The following GRAMD2B variants were observed in gnomAD, a reference collection of about 807,000 sequenced individuals.
GRAMD2B encodes the protein GRAM domain-containing protein 2B.
GRAMD2B carries 41 observed loss-of-function variants against 59.2 expected under a neutral mutation model. That is an observed-to-expected ratio of 0.69 (90% CI 0.54 to 0.90). The LOEUF (loss-of-function observed/expected upper bound fraction) is 0.90, where lower values mean the gene tolerates loss of function less well. Among genes scored for constraint, GRAMD2B ranks in the 40% least tolerant of loss-of-function variants. The pLI, the probability that GRAMD2B is intolerant of heterozygous loss-of-function variation, is 0.00. For synonymous variants in GRAMD2B, 161 were observed against 182.7 expected (o/e 0.88, Z 0.96); for missense variants, 424 against 500.5 (o/e 0.85, Z 1.46).
chr5:126,406,763 G>A, intron 1 of GRAMD2B, among the ~76,000 whole-genome samples: 1 of 151,914 alleles, frequency 6.6e-6, no homozygotes, highest in Non-Finnish European at 1.5e-5. Flanking sequence ...CAGCCTTTAG[G>A]TTTTTACTGT....
intron 12 of GRAMD2B, 94 bp downstream of exon 12, chr5:126,487,071 G>A (rs1022524878): frequency 4.0e-5 from 28 of 701,886 alleles, no homozygotes; most frequent in Non-Finnish European, 5.9e-5. Context: ...AACATTAATT[G>A]GAGATACATT....
At position 126,423,482 on chromosome 5, in the gene GRAMD2B, C is replaced by A; in HGVS notation, c.-125C>A. 2.1e-6 allele frequency: 3 copies of A among 1,458,876 alleles called. No individual in the cohort carries two copies. The South Asian group carries it at 4.2e-5, about 21-fold the overall frequency. The allele number at this position is 1,458,876 out of a possible 1,614,324, so 90.4% of individuals were successfully genotyped here. On this transcript the variant is annotated 5_prime_UTR_variant, in exon 1 of 14. Transcript: ENST00000285689. ...CGCGGCCCGGCCTGGATGCGCTGGG[C>A]GGAGGGTGCAGGGGAGGGCACGGCG...
At chr5:126,403,526 C>T (rs1758003830) in intron 1 of GRAMD2B, among the ~76,000 whole-genome samples, 1 of 151,652 alleles carries the variant, frequency 6.6e-6, no homozygotes, top group Admixed American at 6.6e-5. Flanking sequence ...GTAATAGGTA[C>T]TAGAAATAAA....
chr5:126,366,215 A>G (rs530569297), intron 1 of GRAMD2B, among the ~76,000 whole-genome samples: 65 of 152,314 alleles, frequency 4.3e-4, no homozygotes, highest in Middle Eastern at 3.4e-3. Flanking sequence ...GGAGAGAGGA[A>G]GGGACTTAAG....
At chr5:126,387,521 CTT>C (rs1250293792) in intron 1 of GRAMD2B, among the ~76,000 whole-genome samples, 1 of 150,998 alleles carries the variant, frequency 6.6e-6, no homozygotes. Flanking sequence ...TTATTTCTCT[CTT>C]ATTGCTGCTA....
chr5:126,391,391 C>T (rs1407865787), intron 1 of GRAMD2B, among the ~76,000 whole-genome samples: 1 of 146,790 alleles, frequency 6.8e-6, no homozygotes, highest in African/African-American at 2.5e-5. Context: ...GAAATAAAAC[C>T]TGTCCAAATA....
intron 1 of GRAMD2B, among the ~76,000 whole-genome samples, chr5:126,430,741 T>G (rs77192062): frequency 3.3e-5 from 5 of 152,130 alleles, no homozygotes; most frequent in African/African-American, 9.7e-5. Flanking sequence ...GAAACAAGAT[T>G]GTAAGCATCT....
At chr5:126,421,399 C>A (rs1402991460), upstream of GRAMD2B, among the ~76,000 whole-genome samples, 1 of 152,142 alleles carries the variant, frequency 6.6e-6, no homozygotes, top group African/African-American at 2.4e-5. Flanking sequence ...CCAAACCTAT[C>A]CCTATTCTGA....
chr5:126,492,245 A>G (rs1377139026), intron 13 of GRAMD2B, among the ~76,000 whole-genome samples: 2 of 152,118 alleles, frequency 1.3e-5, no homozygotes, highest in South Asian at 4.1e-4. Context: ...TCTGATTAAA[A>G]CCATCAAATG....
intron 1 of GRAMD2B, among the ~76,000 whole-genome samples, chr5:126,387,640 G>C (rs1286877380): frequency 6.6e-6 from 1 of 151,886 alleles, no homozygotes; most frequent in African/African-American, 2.4e-5. Flanking sequence ...ACCTGGCCCT[G>C]GCAGGCTTTT....
At chr5:126,371,547 C>A (rs951594412) in exon 1 of GRAMD2B, 2 of 1,288,958 alleles carry the variant, frequency 1.6e-6, no homozygotes, top group Admixed American at 2.3e-5. Context: ...CCACAGACAG[C>A]CCCAGCTCGG....
intron 8 of GRAMD2B, among the ~76,000 whole-genome samples, chr5:126,481,213 AAGAAAGAAAG>A (rs1561598804): frequency 3.8e-3 from 27 of 7,078 alleles, no homozygotes; most frequent in South Asian, 0.029. Flanking sequence ...AAAAGAAAGA[AAGAAAGAAAG>A]AAAGAAAGAA....
chr5:126,471,776 G>A (rs1185378395), intron 3 of GRAMD2B, among the ~76,000 whole-genome samples: 1 of 152,162 alleles, frequency 6.6e-6, no homozygotes, highest in Non-Finnish European at 1.5e-5. Flanking sequence ...GAGATTAAGT[G>A]ACTAAGCCAT....
intron 1 of GRAMD2B, among the ~76,000 whole-genome samples, chr5:126,386,399 T>C (rs1318380338): frequency 6.6e-6 from 1 of 152,234 alleles, no homozygotes; most frequent in Non-Finnish European, 1.5e-5. Flanking sequence ...AGTTGTCAAT[T>C]GCTTCACAGC....
At chr5:126,458,378 C>T (rs4240397) in intron 1 of GRAMD2B, among the ~76,000 whole-genome samples, 139,293 of 151,844 alleles carry the variant, frequency 0.92, 64,646 homozygotes, top group East Asian at 1. Context: ...GAGGTTGCAG[C>T]GAGCCAAGAT....
chr5:126,381,148 T>C (rs1755622607), intron 1 of GRAMD2B, among the ~76,000 whole-genome samples: 1 of 152,206 alleles, frequency 6.6e-6, no homozygotes, highest in South Asian at 2.1e-4. Context: ...TCTGCATCTA[T>C]GGAGATGATC....
At chr5:126,460,423 A>C (rs1286809142) in intron 1 of GRAMD2B, among the ~76,000 whole-genome samples, 1 of 152,282 alleles carries the variant, frequency 6.6e-6, no homozygotes, top group Non-Finnish European at 1.5e-5. Context: ...TATATGTATC[A>C]GAATTGTAAA....
chr5:126,360,744 G>C (rs566424022), intron 1 of GRAMD2B, among the ~76,000 whole-genome samples: 9 of 152,300 alleles, frequency 5.9e-5, no homozygotes, highest in African/African-American at 1.4e-4. Flanking sequence ...CACTCAAGCT[G>C]AAAGGGGAAT....
intron 1 of GRAMD2B, among the ~76,000 whole-genome samples, chr5:126,403,038 T>C (rs1757968830): frequency 6.6e-6 from 1 of 151,972 alleles, no homozygotes; most frequent in African/African-American, 2.4e-5. Context: ...AGTATTTTTA[T>C]AGAGCCAGGA....
Sources: allele counts gnomAD v4.1 joint callset (sites outside exome capture counted in the v4.1 genomes callset), GRCh38; gene constraint gnomAD v4.1.1; transcripts MANE v1.5; gene names NCBI Gene and HGNC (gene_info 2026-07-23, HGNC 2026-07-21).